Variants in DPP10 observed in about 807,000 individuals in gnomAD.
The protein encoded by DPP10 is inactive dipeptidyl peptidase 10.
Under a neutral mutation model 120.9 loss-of-function variants are expected in DPP10, and 33 were observed. The observed-to-expected ratio is 0.27, with a 90% CI of 0.21 to 0.37. The LOEUF is 0.37. DPP10 is among the 10% of genes least tolerant of loss of function. DPP10 has a pLI of 1.00. For synonymous variants in DPP10, 337 were observed against 326.1 expected (o/e 1.03, Z -0.36); for missense variants, 816 against 942.8 (o/e 0.87, Z 1.76).
intron 1 of DPP10, among the ~76,000 whole-genome samples, chr2:114,526,067 A>G (rs1283382744): frequency 1.3e-5 from 2 of 152,220 alleles, no homozygotes; most frequent in South Asian, 2.1e-4. Context: ...ACTGAAAACA[A>G]AGTCATATTT....
intron 1 of DPP10, among the ~76,000 whole-genome samples, chr2:115,030,001 A>G (rs1703729300): frequency 6.6e-6 from 1 of 152,120 alleles, no homozygotes; most frequent in South Asian, 2.1e-4. Flanking sequence ...CAGTCTTTCC[A>G]TTTCCAGTAC....
intron 1 of DPP10, among the ~76,000 whole-genome samples, chr2:114,780,398 G>A (rs1186304118): frequency 1.3e-5 from 2 of 152,066 alleles, no homozygotes; most frequent in African/African-American, 4.8e-5. Flanking sequence ...AAGACTTACA[G>A]TTAGTCAAAG....
intron 7 of DPP10, among the ~76,000 whole-genome samples, chr2:115,719,685 T>C (rs566461322): frequency 1.3e-5 from 2 of 152,354 alleles, no homozygotes; most frequent in Admixed American, 1.3e-4. Context: ...TGGCTTTCAG[T>C]AAATTTTGAT....
intron 3 of DPP10, among the ~76,000 whole-genome samples, chr2:115,469,587 G>A (rs553506714): frequency 2.6e-5 from 4 of 152,174 alleles, no homozygotes; most frequent in Admixed American, 1.3e-4. Context: ...AAAAGTTAAC[G>A]TCCCAGGTTC....
At chr2:115,755,080 G>A (rs183580963) in intron 11 of DPP10, among the ~76,000 whole-genome samples, 161 of 152,120 alleles carry the variant, frequency 1.1e-3, no homozygotes, top group Middle Eastern at 0.01. Context: ...ATCCCAGAAA[G>A]TTTCTTTGTC....
intron 1 of DPP10, among the ~76,000 whole-genome samples, chr2:114,447,604 A>G (rs114266746): frequency 0.011 from 1,643 of 152,248 alleles, 22 homozygotes; most frequent in African/African-American, 0.037. Flanking sequence ...TCCTATTCCT[A>G]ATCCTAAGAA....
chr2:115,815,842 G>A (rs553783192), intron 21 of DPP10, 113 bp downstream of exon 21: 123 of 1,065,374 alleles, frequency 1.2e-4, no homozygotes, highest in Non-Finnish European at 1.6e-4. Flanking sequence ...TATTGACTGG[G>A]ATTCCATACT....
chr2:114,608,661 T>C (rs1168744490), intron 1 of DPP10, among the ~76,000 whole-genome samples: 1 of 150,508 alleles, frequency 6.6e-6, no homozygotes, highest in Non-Finnish European at 1.5e-5. Context: ...ATGCACCGGG[T>C]AAAGCAAATG....
chr2:114,729,495 C>G (rs1245508219), intron 1 of DPP10, among the ~76,000 whole-genome samples: 1 of 152,222 alleles, frequency 6.6e-6, no homozygotes, highest in Non-Finnish European at 1.5e-5. Context: ...GAGCAAGGCC[C>G]TGGCCAAATT....
chr2:114,619,777 GCAGTTCTT>G (rs1433561782), intron 1 of DPP10, among the ~76,000 whole-genome samples: 2 of 151,780 alleles, frequency 1.3e-5, no homozygotes, highest in Non-Finnish European at 2.9e-5. Flanking sequence ...GTTTCTACTT[GCAGTTCTT>G]CTGCAGGGGG....
intron 1 of DPP10, among the ~76,000 whole-genome samples, chr2:114,527,898 A>G (rs1218769849): frequency 6.6e-6 from 1 of 152,232 alleles, no homozygotes; most frequent in Non-Finnish European, 1.5e-5. Flanking sequence ...ATAGAAAAGA[A>G]ATAGTCAAAA....
At chr2:115,388,767 G>A (rs1336149066) in intron 3 of DPP10, among the ~76,000 whole-genome samples, 1 of 152,076 alleles carries the variant, frequency 6.6e-6, no homozygotes, top group African/African-American at 2.4e-5. Context: ...GTGCATTCTG[G>A]AGAGGAAGTA....
At chr2:115,397,010 GTTAA>G (rs907378772) in intron 3 of DPP10, among the ~76,000 whole-genome samples, 1 of 152,142 alleles carries the variant, frequency 6.6e-6, no homozygotes, top group Non-Finnish European at 1.5e-5. Flanking sequence ...TTTATAATGG[GTTAA>G]TTAATTTTCA....
At chr2:115,160,516 C>T (rs2052229469) in intron 1 of DPP10, among the ~76,000 whole-genome samples, 1 of 152,118 alleles carries the variant, frequency 6.6e-6, no homozygotes, top group Non-Finnish European at 1.5e-5. Context: ...CCAATAAAGC[C>T]CAACTCACTG....
intron 1 of DPP10, among the ~76,000 whole-genome samples, chr2:114,672,248 CTCTTT>C (rs1407827432): frequency 2.0e-5 from 3 of 149,256 alleles, no homozygotes; most frequent in African/African-American, 7.3e-5. Flanking sequence ...AAGATTTCTT[CTCTTT>C]TAACTTTTCA....
At chr2:114,775,306 G>A (rs1298044249) in intron 1 of DPP10, among the ~76,000 whole-genome samples, 1 of 152,130 alleles carries the variant, frequency 6.6e-6, no homozygotes, top group Non-Finnish European at 1.5e-5. Flanking sequence ...CAGAGTGCAA[G>A]TCGTTATACT....
chr2:114,536,917 G>T (rs1573596640), intron 1 of DPP10, among the ~76,000 whole-genome samples: 1 of 152,094 alleles, frequency 6.6e-6, no homozygotes, highest in African/African-American at 2.4e-5. Context: ...CTCTCAATAA[G>T]TTCACCCAAG....
chr2:115,360,652 C>T (rs2064705520), intron 3 of DPP10, among the ~76,000 whole-genome samples: 1 of 152,150 alleles, frequency 6.6e-6, no homozygotes, highest in African/African-American at 2.4e-5. Flanking sequence ...TCCCTGTAGT[C>T]TCTGGTGCTG....
At chr2:114,575,472 G>A (rs1160416061) in intron 1 of DPP10, among the ~76,000 whole-genome samples, 1 of 152,098 alleles carries the variant, frequency 6.6e-6, no homozygotes, top group African/African-American at 2.4e-5. Context: ...TAATGACAGA[G>A]GATGACAAAA....
Sources: allele counts gnomAD v4.1 joint callset (sites outside exome capture counted in the v4.1 genomes callset), GRCh38; gene constraint gnomAD v4.1.1; transcripts MANE v1.5; gene names NCBI Gene and HGNC (gene_info 2026-07-23, HGNC 2026-07-21).